The following MGAT5 variants were observed in gnomAD, a reference collection of about 807,000 sequenced individuals.
The protein encoded by MGAT5 is alpha-1,6-mannosylglycoprotein 6-beta-N-acetylglucosaminyltransferase.
MGAT5 carries 30 observed loss-of-function variants against 94.3 expected under a neutral mutation model. The ratio of observed to expected loss-of-function variants is 0.32; its 90% CI spans 0.24 to 0.43. The LOEUF is 0.43. Among genes scored for constraint, MGAT5 ranks in the 20% least tolerant of loss-of-function variants. MGAT5 has a pLI of 1.00. For missense variants in MGAT5, 691 were observed against 905.5 expected, an observed-to-expected ratio of 0.76 and a Z score of 3.04; for synonymous variants, 310 against 322.9, an observed-to-expected ratio of 0.96 and a Z score of 0.43.
intron 1 of MGAT5, among the ~76,000 whole-genome samples, chr2:134,206,152 T>C (rs1573862536): frequency 6.6e-6 from 1 of 152,234 alleles, no homozygotes; most frequent in East Asian, 1.9e-4. Flanking sequence ...CTGAAATGAA[T>C]GTCAGTTCCT....
chr2:134,310,352 A>G (rs1314004597), intron 2 of MGAT5, among the ~76,000 whole-genome samples: 1 of 152,192 alleles, frequency 6.6e-6, no homozygotes, highest in African/African-American at 2.4e-5. Context: ...GTGCTAGTGG[A>G]TTTTGTTTAA....
At chr2:134,356,922 C>G (rs1309990175) in intron 9 of MGAT5, among the ~76,000 whole-genome samples, 6 of 152,166 alleles carry the variant, frequency 3.9e-5, no homozygotes, top group African/African-American at 1.4e-4. Context: ...CCTTCCCCAA[C>G]TTTCTCCTCC....
intron 10 of MGAT5, among the ~76,000 whole-genome samples, chr2:134,381,386 A>ATAGATAAGATAAGATAAGATAGAT (rs1558841757): frequency 4.7e-4 from 45 of 95,332 alleles, no homozygotes; most frequent in Non-Finnish European, 7.1e-4. Flanking sequence ...GATAGATTAG[A>ATAGATAAGATAAGATAAGATAGAT]TAGATAGATA....
At chr2:134,218,139 AACTT>A (rs1481582077) in intron 1 of MGAT5, among the ~76,000 whole-genome samples, 9 of 152,340 alleles carry the variant, frequency 5.9e-5, no homozygotes, top group Non-Finnish European at 1.0e-4. Context: ...AATCTACACT[AACTT>A]AATCACTTGC....
At chr2:134,422,675 A>G in intron 12 of MGAT5, 128 bp from the exon 13 acceptor site, 1 of 671,174 alleles carries the variant, frequency 1.5e-6, no homozygotes, top group South Asian at 1.8e-5. Context: ...TTGATCATCA[A>G]GGGGAAGGAC....
intron 9 of MGAT5, among the ~76,000 whole-genome samples, chr2:134,352,113 T>C (rs529164568): frequency 6.6e-6 from 1 of 152,268 alleles, no homozygotes; most frequent in East Asian, 1.9e-4. Context: ...GAATGCAGCA[T>C]GGTACTACCC....
In MGAT5 at chr2:134,226,705, G is replaced by C. The variant is rs548661312; in HGVS notation, c.-142-27557G>C. Reference sequence around the variant, plus strand: ...CATTTACTTGATTTGAGCCCCTAGCGCCTAGCAGGCACAGTTCCTGGGAAC... The same window carrying C: ...CATTTACTTGATTTGAGCCCCTAGCCCCTAGCAGGCACAGTTCCTGGGAAC... On this transcript the variant is annotated intron_variant, in intron 1 of 16. Coordinates refer to the MGAT5 transcript ENST00000409645. Among the ~76,000 whole-genome samples the C allele has an allele frequency of 3.3e-5, 5 of 152,298 alleles. No homozygotes were observed. In the South Asian group the frequency reaches 1.0e-3, roughly 32 times the overall value.
At chr2:134,291,491 G>T (rs981999437) in intron 2 of MGAT5, among the ~76,000 whole-genome samples, 3 of 152,176 alleles carry the variant, frequency 2.0e-5, no homozygotes, top group African/African-American at 7.2e-5. Context: ...CTAAGACAAG[G>T]TACGTTTAGG....
rs373103557 is a variant in MGAT5, at chr2:134,441,769, T to C, written c.1881T>C (p.His627=). Residue 627 remains histidine (H), a synonymous_variant, in exon 15 of 16, where the codon CAT becomes CAC. Transcript: ENST00000281923. The part of the protein sequence containing the change: ...NAFIEKQDFC[H]GQVMWPPLSA... ...CATTGTCGTTCTAGGACTTCTGCCA[T>C]GGGCAAGTGATGTGGCCACCCCTCA... 4.3e-6 allele frequency: 7 copies of C among 1,612,170 alleles called. No homozygotes were observed. Among genetic ancestry groups the C allele is most frequent in the Non-Finnish European group, 5.9e-6 (7 of 1,178,574 alleles).
intron 1 of MGAT5, among the ~76,000 whole-genome samples, chr2:134,267,459 T>C (rs1470518453): frequency 6.6e-6 from 1 of 152,172 alleles, no homozygotes; most frequent in Non-Finnish European, 1.5e-5. Context: ...GGAGGTTATA[T>C]TGGGGTGGCC....
intron 10 of MGAT5, among the ~76,000 whole-genome samples, chr2:134,371,593 T>C (rs1680805129): frequency 6.6e-6 from 1 of 152,152 alleles, no homozygotes; most frequent in Non-Finnish European, 1.5e-5. Context: ...GTTTTCTTCT[T>C]TGGATTGGGG....
At position 134,448,864 on chromosome 2, in the gene MGAT5, C is replaced by G; in HGVS notation, c.*17C>G. The stretch of plus-strand genomic sequence containing the variant: ...TGCCTATAGCAGCTACCTGCTCAGC[C>G]CTGCACCATGCTGCTGGGGAAGACA... On this transcript the variant is annotated 3_prime_UTR_variant, in exon 16 of 16. Coordinates refer to ENST00000281923, the MANE Select transcript of MGAT5 (RefSeq NM_002410.5). The G allele has an allele frequency of 2.5e-6, 4 of 1,608,250 alleles. No individual in the cohort carries two copies. Among genetic ancestry groups the G allele is most frequent in the Non-Finnish European group, 3.4e-6 (4 of 1,177,904 alleles).
intron 11 of MGAT5, among the ~76,000 whole-genome samples, chr2:134,403,383 A>C (rs1374718727): frequency 2.0e-5 from 3 of 152,196 alleles, no homozygotes; most frequent in Non-Finnish European, 4.4e-5. Flanking sequence ...GGTGTCAAGC[A>C]AGGGGCTAAG....
intron 1 of MGAT5, among the ~76,000 whole-genome samples, chr2:134,148,237 C>T (rs1037165081): frequency 2.6e-5 from 4 of 152,196 alleles, no homozygotes; most frequent in Non-Finnish European, 2.9e-5. Context: ...GCTCTGTCGC[C>T]TCTGGTCTAA....
At chr2:134,399,264 C>T (rs191723503) in intron 10 of MGAT5, among the ~76,000 whole-genome samples, 1 of 152,062 alleles carries the variant, frequency 6.6e-6, no homozygotes, top group Non-Finnish European at 1.5e-5. Flanking sequence ...TTCTACCACT[C>T]CCCCCTGCTG....
At chr2:134,373,253 G>A (rs554678188) in intron 10 of MGAT5, among the ~76,000 whole-genome samples, 4 of 152,226 alleles carry the variant, frequency 2.6e-5, no homozygotes, top group Non-Finnish European at 5.9e-5. Context: ...GGAGGAGGCA[G>A]CGTCTCACAT....
chr2:134,136,370 C>T (rs1686411897), intron 1 of MGAT5, among the ~76,000 whole-genome samples: 1 of 152,104 alleles, frequency 6.6e-6, no homozygotes, highest in Admixed American at 6.5e-5. Flanking sequence ...AGTTTGAGAC[C>T]AGCATGGCCA....
At chr2:134,256,810 A>G (rs1682993465) in intron 1 of MGAT5, among the ~76,000 whole-genome samples, 1 of 152,268 alleles carries the variant, frequency 6.6e-6, no homozygotes, top group Non-Finnish European at 1.5e-5. Context: ...ACAATCAAAC[A>G]GGTCACATCA....
chr2:134,187,490 C>T (rs947000029), intron 1 of MGAT5, among the ~76,000 whole-genome samples: 2 of 152,304 alleles, frequency 1.3e-5, no homozygotes, highest in African/African-American at 4.8e-5. Flanking sequence ...CAGCCACACA[C>T]GTTGTCTTTT....
Sources: gnomAD v4.1 joint callset for allele counts (sites outside exome capture counted in the v4.1 genomes callset) on GRCh38, gnomAD v4.1.1 for gene constraint, MANE v1.5 for transcripts, NCBI Gene and HGNC (gene_info 2026-07-23, HGNC 2026-07-21) for gene names.